The following FOXJ3 variants were observed in gnomAD, a reference collection of about 807,000 sequenced individuals.
FOXJ3 encodes the protein forkhead box protein J3.
In FOXJ3, 22 loss-of-function variants were observed where a neutral mutation model predicts 76.1. The observed-to-expected ratio is 0.29, with a 90% CI of 0.21 to 0.41. The LOEUF (loss-of-function observed/expected upper bound fraction) is 0.41. Among genes scored for constraint, FOXJ3 ranks in the 10% least tolerant of loss-of-function variants. The pLI is 1.00. For synonymous variants in FOXJ3, 269 were observed against 261.2 expected (o/e 1.03, Z -0.29); for missense variants, 613 against 762.1 (o/e 0.80, Z 2.30).
At chr1:42,188,535 C>G (rs1336589401) in intron 11 of FOXJ3, among the ~76,000 whole-genome samples, 1 of 152,100 alleles carries the variant, frequency 6.6e-6, no homozygotes, top group African/African-American at 2.4e-5. Context: ...TAAATCACAA[C>G]AGAAAAACAT....
At chr1:42,283,969 C>T (rs1159656471) in intron 2 of FOXJ3, among the ~76,000 whole-genome samples, 2 of 152,066 alleles carry the variant, frequency 1.3e-5, no homozygotes, top group Non-Finnish European at 2.9e-5. Flanking sequence ...CATCTTGGAT[C>T]GTAAGATGAT....
At chr1:42,225,910 A>G (rs1647518990) in intron 5 of FOXJ3, among the ~76,000 whole-genome samples, 1 of 152,352 alleles carries the variant, frequency 6.6e-6, no homozygotes, top group Non-Finnish European at 1.5e-5. Flanking sequence ...CAAGGTAACA[A>G]GAATAAAAGG....
chr1:42,293,646 C>G (rs1390803397), intron 2 of FOXJ3, among the ~76,000 whole-genome samples: 1 of 152,152 alleles, frequency 6.6e-6, no homozygotes, highest in Non-Finnish European at 1.5e-5. Flanking sequence ...TCCAGTCTCA[C>G]GAGCTTCTCT....
chr1:42,203,789 A>C (rs1165871555), intron 6 of FOXJ3, among the ~76,000 whole-genome samples: 1 of 152,060 alleles, frequency 6.6e-6, no homozygotes, highest in Non-Finnish European at 1.5e-5. Context: ...TGAGGTCAGG[A>C]GTTTGAGACC....
chr1:42,247,210 T>C (rs1649622312), intron 4 of FOXJ3, among the ~76,000 whole-genome samples: 1 of 152,170 alleles, frequency 6.6e-6, no homozygotes, highest in Admixed American at 6.5e-5. Context: ...TAAGGTGATA[T>C]ATTCCCTAAT....
intron 1 of FOXJ3, chr1:42,323,658 G>T (rs1655563253): frequency 3.1e-6 from 3 of 965,758 alleles, no homozygotes; most frequent in Non-Finnish European, 2.5e-6. Context: ...CCCATTTCTT[G>T]CTAAGAGACT....
intron 1 of FOXJ3, among the ~76,000 whole-genome samples, chr1:42,330,654 C>CA (rs903751807): frequency 1.8e-4 from 27 of 150,126 alleles, no homozygotes; most frequent in Admixed American, 7.3e-4. Flanking sequence ...AACAAACAAA[C>CA]AAAAAAAAAC....
At chr1:42,221,950 TAAAA>T (rs35308694) in intron 5 of FOXJ3, among the ~76,000 whole-genome samples, 6 of 12,512 alleles carry the variant, frequency 4.8e-4, no homozygotes, top group Non-Finnish European at 7.2e-4. Flanking sequence ...CTGTCTCTAT[TAAAA>T]AAAAAAAAAA....
intron 5 of FOXJ3, among the ~76,000 whole-genome samples, chr1:42,215,818 CAG>C (rs1412688824): frequency 6.6e-6 from 1 of 151,978 alleles, no homozygotes; most frequent in Admixed American, 6.5e-5. Context: ...TAAAATAAAA[CAG>C]AATTATCAAT....
intron 2 of FOXJ3, among the ~76,000 whole-genome samples, chr1:42,291,455 CCA>C (rs2124706031): frequency 6.6e-6 from 1 of 152,220 alleles, no homozygotes; most frequent in East Asian, 1.9e-4. Flanking sequence ...AAAAGGCAAG[CCA>C]CAGACTGGCA....
chr1:42,237,463 T>C (rs1424652831), intron 4 of FOXJ3, among the ~76,000 whole-genome samples: 2 of 146,038 alleles, frequency 1.4e-5, no homozygotes, highest in Non-Finnish European at 3.0e-5. Flanking sequence ...CATACATACA[T>C]ATACATATAT....
At chr1:42,304,451 C>G (rs1019480108) in intron 2 of FOXJ3, among the ~76,000 whole-genome samples, 1 of 152,082 alleles carries the variant, frequency 6.6e-6, no homozygotes, top group African/African-American at 2.4e-5. Flanking sequence ...CCAAAGCTAT[C>G]CTGAGCAAAA....
intron 4 of FOXJ3, among the ~76,000 whole-genome samples, chr1:42,229,518 G>A (rs896457739): frequency 3.3e-5 from 5 of 152,158 alleles, no homozygotes; most frequent in African/African-American, 7.2e-5. Context: ...AGGTGTGTAC[G>A]TCTCAGATTC....
At chr1:42,311,599 C>A (rs1189822261) in intron 1 of FOXJ3, among the ~76,000 whole-genome samples, 1 of 150,230 alleles carries the variant, frequency 6.7e-6, no homozygotes, top group Non-Finnish European at 1.5e-5. Context: ...AAATATTGGA[C>A]TTCACAAAGA....
At chr1:42,217,455 G>C (rs1335070037) in intron 5 of FOXJ3, among the ~76,000 whole-genome samples, 2 of 152,070 alleles carry the variant, frequency 1.3e-5, no homozygotes, top group Non-Finnish European at 2.9e-5. Flanking sequence ...CTTGCACCCG[G>C]GAGGCAGAGG....
chr1:42,212,735 C>CA (rs1171609553), intron 5 of FOXJ3, among the ~76,000 whole-genome samples: 1 of 151,692 alleles, frequency 6.6e-6, no homozygotes, highest in Non-Finnish European at 1.5e-5. Context: ...AGATTCACTG[C>CA]AAAAAGGACA....
At chr1:42,215,679 A>T (rs1206068092) in intron 5 of FOXJ3, among the ~76,000 whole-genome samples, 1 of 152,236 alleles carries the variant, frequency 6.6e-6, no homozygotes, top group African/African-American at 2.4e-5. Flanking sequence ...CAAATTCTTG[A>T]AAATAAAGAT....
rs2124456900 is a variant in FOXJ3 at position 42,227,961 on chromosome 1, G to A, written c.450C>T (p.Ser150=). 1.3e-6 allele frequency: 2 copies of A among 1,540,382 alleles called. No homozygotes were observed. Among genetic ancestry groups the A allele is most frequent in the African/African-American group, 1.4e-5 (1 of 74,012 alleles). Reference sequence around the variant, plus strand: ...TCGGATTGGTGTCTATTGCCCAGTAGGACCCCTAGAGGTAAAGAAATTATA... The same window carrying A: ...TCGGATTGGTGTCTATTGCCCAGTAAGACCCCTAGAGGTAAAGAAATTATA... The part of the protein sequence containing the change: ...PRSKDDPGKG[S]YWAIDTNPKE... Residue 150 remains serine, a synonymous_variant, in exon 5 of 13, where the codon TCC becomes TCT. Transcript: ENST00000361346.
chr1:42,237,397 CATACATACAT>C (rs1648741035), intron 4 of FOXJ3, among the ~76,000 whole-genome samples: 1 of 55,506 alleles, frequency 1.8e-5, no homozygotes, highest in African/African-American at 5.7e-5. Context: ...TATATACATA[CATACATACAT>C]ATATATATAT....
Sources: gnomAD v4.1 joint callset for allele counts (sites outside exome capture counted in the v4.1 genomes callset) on GRCh38, gnomAD v4.1.1 for gene constraint, MANE v1.5 for transcripts, NCBI Gene and HGNC (gene_info 2026-07-23, HGNC 2026-07-21) for gene names.